IGDCC3: variants seen among roughly 807,000 people sequenced by gnomAD.
IGDCC3 encodes the protein immunoglobulin superfamily DCC subclass member 3, also known as putative neuronal cell adhesion molecule.
A neutral mutation model predicts 72.0 loss-of-function variants in IGDCC3; 47 were observed. The observed-to-expected ratio is 0.65, with a 90% confidence interval of 0.52 to 0.83. IGDCC3 has a LOEUF of 0.83. Among genes scored for constraint, IGDCC3 ranks in the 40% least tolerant of loss-of-function variants. The pLI is 0.00. For synonymous variants in IGDCC3, 477 were observed against 472.8 expected (o/e 1.01, Z -0.11); for missense variants, 1,038 against 1,091.3 (o/e 0.95, Z 0.69).
At chr15:65,344,481 C>T (rs2091109403) in intron 2 of IGDCC3, among the ~76,000 whole-genome samples, 1 of 152,222 alleles carries the variant, frequency 6.6e-6, no homozygotes. Context: ...ATCCACATCT[C>T]TCCCCTCTCA....
At position 65,377,836 on chromosome 15, in the gene IGDCC3, T is replaced by G. The variant is rs1226759408; in HGVS notation, c.-48A>C. The G allele has an allele frequency of 8.7e-7, 1 of 1,144,528 alleles. No individual in the cohort carries two copies. The highest frequency in any genetic ancestry group is 1.1e-6 in the Non-Finnish European group (1 of 932,716). 70.9% of individuals were successfully genotyped at this position (1,144,528 alleles called of 1,614,324 possible). ...CGGCGACGCGCGGCTCCCGGGCCTC[T>G]CGCGGCTCACAGCGTCCCGCGGGGC... On this transcript the variant is annotated 5_prime_UTR_variant, in exon 1 of 14. Coordinates refer to ENST00000327987, the MANE Select transcript of IGDCC3 (RefSeq NM_004884.4). This position sits in a 1 kb window ranked among gnomAD's most constrained non-coding sequence, Gnocchi z 4.9.
intron 2 of IGDCC3, among the ~76,000 whole-genome samples, chr15:65,352,890 T>C (rs780352641): frequency 1.6e-4 from 25 of 152,238 alleles, no homozygotes; most frequent in Non-Finnish European, 3.4e-4. Context: ...GTCTCATTAG[T>C]TGTTTTTAAG....
Position 65,329,010 on chromosome 15 carries a change from C to T in IGDCC3, c.2344G>A (p.Ala782Thr), listed in dbSNP as rs2090949658. The T allele has an allele frequency of 6.2e-7, 1 of 1,611,492 alleles. No homozygotes were observed. Among genetic ancestry groups the T allele is most frequent in the Non-Finnish European group, 8.5e-7 (1 of 1,179,190 alleles). Residue 782 changes from alanine to threonine, a missense_variant, in exon 14 of 14, where the codon GCC (alanine) becomes ACC (threonine). Ala to Thr is a moderately conservative substitution (Grantham distance 58). Coordinates refer to ENST00000327987, the MANE Select transcript of IGDCC3 (RefSeq NM_004884.4). This position sits in a 1 kb window ranked among gnomAD's most constrained non-coding sequence, Gnocchi z 4.1. ...GGGCCTCCATCTGGGGGTGGTGGGG[C>T]AGCCGCCAGGCCGGCGCAGGGAGCC... ...ATAPCAGLAA[A>T]PPPPDGGPGL...
At chr15:65,350,022 C>T (rs1009869585) in intron 2 of IGDCC3, among the ~76,000 whole-genome samples, 37 of 152,140 alleles carry the variant, frequency 2.4e-4, no homozygotes, top group Non-Finnish European at 4.7e-4. Flanking sequence ...ATTTTCCTTT[C>T]TCTAAGCACA....
rs182340846 is a variant in IGDCC3 at position 65,339,231 on chromosome 15, G to A, written c.410-3275C>T. Among the ~76,000 whole-genome samples, 61 of 152,222 alleles carry A rather than the reference G, an allele frequency of 4.0e-4. No homozygotes were observed. The highest frequency in any genetic ancestry group is 3.8e-3 in the Admixed American group (58 of 15,278). On this transcript the variant is annotated intron_variant, in intron 2 of 13. Transcript: ENST00000327987. This position sits in a 1 kb window ranked among gnomAD's most constrained non-coding sequence, Gnocchi z 4.1. ...CGAGTAGCTGGTACTACAGATGCAC[G>A]CCACCATGCCCAGCTAATTTTTGTA...
At chr15:65,346,922 C>T (rs2140151990) in intron 2 of IGDCC3, among the ~76,000 whole-genome samples, 1 of 152,276 alleles carries the variant, frequency 6.6e-6, no homozygotes, top group Non-Finnish European at 1.5e-5. Flanking sequence ...CTTCCAAATA[C>T]CAGCCAATGG....
chr15:65,363,559 G>T (rs576085767), intron 2 of IGDCC3, among the ~76,000 whole-genome samples: 2 of 152,304 alleles, frequency 1.3e-5, no homozygotes, highest in African/African-American at 4.8e-5. Context: ...TTCCCTGGGG[G>T]CTGTGGCTAT....
At chr15:65,347,156 G>C (rs574673122) in intron 2 of IGDCC3, among the ~76,000 whole-genome samples, 3 of 152,300 alleles carry the variant, frequency 2.0e-5, no homozygotes, top group South Asian at 2.1e-4. Context: ...GTCTGGTTAG[G>C]GGGGCCCAGG....
intron 6 of IGDCC3, among the ~76,000 whole-genome samples, chr15:65,333,031 C>A (rs568408384): frequency 6.6e-6 from 1 of 152,258 alleles, no homozygotes; most frequent in East Asian, 1.9e-4. Context: ...CCGGAGGGCA[C>A]GCAGAGGCCG....
chr15:65,329,972 G>A lies in IGDCC3; in HGVS notation c.1859-108C>T, dbSNP rs1039277249. 2.5e-5 allele frequency: 30 copies of A among 1,223,100 alleles called. No individual in the cohort carries two copies. The highest frequency in any genetic ancestry group is 3.5e-5 in the Non-Finnish European group (30 of 853,532). 75.8% of individuals were successfully genotyped at this position (1,223,100 alleles called of 1,614,324 possible). On this transcript the variant is annotated intron_variant, in intron 11 of 13. Coordinates refer to ENST00000327987, the MANE Select transcript of IGDCC3 (RefSeq NM_004884.4). This position sits in a 1 kb window ranked among gnomAD's most constrained non-coding sequence, Gnocchi z 4.1. ...CTTCAGCTGCTCCCACTCCCAAGTG[G>A]GAGTGGGAACATCCTTTGACTTTGC... is the stretch of plus-strand genomic sequence containing the variant.
In IGDCC3 at chr15:65,335,391, C is replaced by G; in HGVS notation, c.585G>C (p.Gln195His). 2 of 1,613,522 alleles carry G rather than the reference C, an allele frequency of 1.2e-6. No individual in the cohort carries two copies. The highest frequency in any genetic ancestry group is 1.7e-6 in the Non-Finnish European group (2 of 1,179,674). Reference protein sequence around the residue: ...RYTLLPKGVLQITGLRAEDGG... With the variant: ...RYTLLPKGVLHITGLRAEDGG... ...CGTCCTCAGCTCGAAGTCCTGTGAT[C>G]TGCAGGACCCCCTTGGGCAGCAATG... The change falls in exon 4 of 14, where the codon CAG becomes CAC. Residue 195 changes from glutamine to histidine, a missense_variant. Coordinates refer to ENST00000327987, the MANE Select transcript of IGDCC3 (RefSeq NM_004884.4).
chr15:65,355,900 G>A (rs2091216804), intron 2 of IGDCC3: 1 of 307,900 alleles, frequency 3.2e-6, no homozygotes, highest in South Asian at 2.1e-5. Context: ...GCCCGGCCCC[G>A]GCGCACTCGC....
rs1395649232 is a variant in IGDCC3, at chr15:65,333,470, G to C, written c.824-55C>G. The C allele has an allele frequency of 2.0e-6, 3 of 1,469,726 alleles. No homozygotes were observed. In the African/African-American group the frequency reaches 4.3e-5, roughly 21 times the overall value. 91.0% of individuals were successfully genotyped at this position (1,469,726 alleles called of 1,614,324 possible). ...AGGGTCAGATAGAGATATGGAAGAA[G>C]GAAAGTAAAGGAAACTTCCAGATGG... On this transcript the variant is annotated intron_variant, in intron 5 of 13. Coordinates refer to ENST00000327987, the MANE Select transcript of IGDCC3 (RefSeq NM_004884.4).
intron 2 of IGDCC3, among the ~76,000 whole-genome samples, chr15:65,370,228 A>G (rs1003635946): frequency 1.3e-5 from 2 of 152,084 alleles, no homozygotes; most frequent in Non-Finnish European, 2.9e-5. Context: ...TAATATTATT[A>G]GTACCTGGCT....
intron 1 of IGDCC3, among the ~76,000 whole-genome samples, chr15:65,376,563 A>G (rs934781008): frequency 1.3e-5 from 2 of 152,156 alleles, no homozygotes; most frequent in Admixed American, 6.5e-5. Context: ...GGGAGAAAGG[A>G]GGGGCGTTGG....
chr15:65,341,657 G>A (rs2091082443), intron 2 of IGDCC3, among the ~76,000 whole-genome samples: 1 of 152,212 alleles, frequency 6.6e-6, no homozygotes, highest in Admixed American at 6.5e-5. Flanking sequence ...GAGGTACCTA[G>A]AGAAGTCAAA....
chr15:65,335,143 C>G (rs927777615), intron 4 of IGDCC3, 148 bp downstream of exon 4: 2 of 895,736 alleles, frequency 2.2e-6, no homozygotes, highest in African/African-American at 1.7e-5. Context: ...TTCCTGTGCA[C>G]CCTCACGCCA....
intron 4 of IGDCC3, 125 bp downstream of exon 4, chr15:65,335,166 C>T: frequency 9.2e-7 from 1 of 1,083,314 alleles, no homozygotes; most frequent in Non-Finnish European, 1.3e-6. Flanking sequence ...CAGCACAGAG[C>T]CCGGCACTCT....
chr15:65,329,115 T>A lies in IGDCC3; in HGVS notation c.2239A>T (p.Thr747Ser), dbSNP rs1595747630. 4 of 1,610,454 alleles carry A rather than the reference T, an allele frequency of 2.5e-6. No homozygotes were observed. The highest frequency in any genetic ancestry group is 1.7e-6 in the Non-Finnish European group (2 of 1,178,992). ...DPAAPAPCEE[T>S]QLSVLPLQGC... ...TGAAGTGGCAGCACGGAGAGCTGGG[T>A]CTCCTCACACGGAGCGGGGGCTGCA... Residue 747 changes from threonine (T) to serine (S), a missense_variant, in exon 14 of 14, where the codon ACC becomes TCC. By Grantham distance (58) the Thr-to-Ser change is moderately conservative. Coordinates refer to ENST00000327987, the MANE Select transcript of IGDCC3 (RefSeq NM_004884.4). The surrounding 1 kb of genome is among the most constrained non-coding windows in gnomAD (Gnocchi z 4.1).
Sources: gnomAD v4.1 joint callset for allele counts (sites outside exome capture counted in the v4.1 genomes callset) on GRCh38, gnomAD v4.1.1 for gene constraint, Gnocchi (gnomAD v3.1) non-coding constraint, MANE v1.5 for transcripts, NCBI Gene and HGNC (gene_info 2026-07-23, HGNC 2026-07-21) for gene names.